The following EIF3E variants were observed in gnomAD, a reference collection of about 807,000 sequenced individuals.
The protein encoded by EIF3E is eukaryotic translation initiation factor 3 subunit E, also known as eIF-3 p48.
A neutral mutation model predicts 59.3 loss-of-function variants in EIF3E; 25 were observed. The ratio of observed to expected loss-of-function variants is 0.42; its 90% CI spans 0.31 to 0.59. The LOEUF (loss-of-function observed/expected upper bound fraction) is 0.59. EIF3E is among the 20% of genes least tolerant of loss of function. EIF3E has a pLI of 0.15. For synonymous variants in EIF3E, 176 were observed against 170.2 expected, an observed-to-expected ratio of 1.03 and a Z score of -0.26; for missense variants, 317 against 534.3, an observed-to-expected ratio of 0.59 and a Z score of 4.01.
intron 7 of EIF3E, among the ~76,000 whole-genome samples, chr8:108,220,759 T>C (rs1815396287): frequency 1.3e-5 from 2 of 152,232 alleles, no homozygotes; most frequent in South Asian, 4.1e-4. Context: ...GTTAATAGTT[T>C]TAAACAAGTT....
intron 10 of EIF3E, among the ~76,000 whole-genome samples, chr8:108,209,087 C>T (rs1226223422): frequency 8.1e-6 from 1 of 122,822 alleles, no homozygotes; most frequent in African/African-American, 3.3e-5. Context: ...GAGAATGTTC[C>T]AAATTACAAA....
intron 10 of EIF3E, among the ~76,000 whole-genome samples, chr8:108,204,694 G>A (rs1410695404): frequency 6.7e-6 from 1 of 148,384 alleles, no homozygotes; most frequent in Admixed American, 6.8e-5. Context: ...AACTGTGGGG[G>A]CACTCCCTGG....
At chr8:108,215,727 T>C (rs1211960323) in intron 9 of EIF3E, among the ~76,000 whole-genome samples, 1 of 152,208 alleles carries the variant, frequency 6.6e-6, no homozygotes, top group Non-Finnish European at 1.5e-5. Context: ...TGCCAAAATT[T>C]TGGTTCCAAG....
intron 7 of EIF3E, among the ~76,000 whole-genome samples, chr8:108,225,472 T>C (rs981577260): frequency 6.6e-6 from 1 of 151,408 alleles, no homozygotes; most frequent in African/African-American, 2.5e-5. Context: ...TATAAAATCA[T>C]GCATGGGTAA....
intron 9 of EIF3E, among the ~76,000 whole-genome samples, chr8:108,215,495 A>G (rs200030707): frequency 6.6e-6 from 1 of 152,036 alleles, no homozygotes; most frequent in Non-Finnish European, 1.5e-5. Context: ...GTGGGCGCCT[A>G]TGGTCCCAGC....
intron 10 of EIF3E, among the ~76,000 whole-genome samples, chr8:108,203,747 C>A (rs1815040033): frequency 6.6e-6 from 1 of 152,054 alleles, no homozygotes; most frequent in Admixed American, 6.6e-5. Flanking sequence ...GTAACATATT[C>A]TGCATTTACG....
At position 108,240,044 on chromosome 8, in the gene EIF3E, T is replaced by C. The variant is rs1815805893; in HGVS notation, c.237A>G (p.Ala79=). Residue 79 remains alanine, a synonymous_variant, in exon 3 of 13, where the codon GCA becomes GCG. Transcript: ENST00000220849. ...TTTCTGCCTGAAGCTGTTTCAGTTG[T>C]GCAACCACTGTGGTTCTTTTCTCTC... ...ALREKRTTVV[A]QLKQLQAETE... is the part of the protein sequence containing the mutation. The C allele has an allele frequency of 2.5e-6, 4 of 1,614,024 alleles. No homozygotes were observed. The highest frequency in any genetic ancestry group is 1.7e-5 in the Admixed American group (1 of 60,014).
intron 1 of EIF3E, among the ~76,000 whole-genome samples, chr8:108,244,069 G>C (rs1182129240): frequency 6.6e-6 from 1 of 152,050 alleles, no homozygotes; most frequent in Admixed American, 6.5e-5. Flanking sequence ...AGCAACAATT[G>C]AAAATACTAT....
Position 108,201,952 on chromosome 8 carries a change from G to T in EIF3E, c.1300-29C>A. On this transcript the variant is annotated intron_variant, in intron 12 of 12. Transcript: ENST00000220849. ...AAATATGCAAAAAGAAATCAACACC[G>T]TGAAAAGAAAATACTTTCGGAAAAA... The T allele has an allele frequency of 1.3e-6, 2 of 1,540,090 alleles. 1 individual carries two copies. Among genetic ancestry groups the T allele is most frequent in the South Asian group, 2.6e-5 (2 of 77,092 alleles).
chr8:108,212,876 GAA>G (rs35352376), intron 10 of EIF3E, among the ~76,000 whole-genome samples: 2 of 150,242 alleles, frequency 1.3e-5, no homozygotes, highest in Admixed American at 6.6e-5. Flanking sequence ...GTAAAACATT[GAA>G]AAAAAAATTG....
At position 108,212,663 on chromosome 8, in the gene EIF3E, G is replaced by A. The variant is rs572126506; in HGVS notation, c.1061+1944C>T. Among the ~76,000 whole-genome samples, 29 of 152,178 alleles carry A rather than the reference G, an allele frequency of 1.9e-4. No homozygotes were observed. The South Asian group carries it at 5.6e-3, about 29-fold the overall frequency. On this transcript the variant is annotated intron_variant, in intron 10 of 12. Transcript: ENST00000220849. ...CTAAAAGCACAAAAATTAGCTGGGC[G>A]TGGTGGCACATGCCTGTAATCTCAG...
At chr8:108,219,118 T>A (rs1563630647) in intron 7 of EIF3E, among the ~76,000 whole-genome samples, 1 of 152,152 alleles carries the variant, frequency 6.6e-6, no homozygotes, top group Non-Finnish European at 1.5e-5. Flanking sequence ...TTTATGAGAC[T>A]CATCATTAAT....
At chr8:108,228,967 A>ATT in intron 6 of EIF3E, 103 bp downstream of exon 6, 14 of 1,060,206 alleles carry the variant, frequency 1.3e-5, no homozygotes, top group Non-Finnish European at 1.3e-5. Context: ...GCTAATATGA[A>ATT]TTTTTTTTTT....
intron 7 of EIF3E, 92 bp from the exon 8 acceptor site, chr8:108,217,552 G>A (rs1815327375): frequency 9.9e-7 from 1 of 1,010,076 alleles, no homozygotes; most frequent in African/African-American, 1.7e-5. Flanking sequence ...TATTTCACTA[G>A]CCTAAGACTG....
chr8:108,245,325 C>A (rs149544198), intron 1 of EIF3E, among the ~76,000 whole-genome samples: 2 of 151,976 alleles, frequency 1.3e-5, no homozygotes. Flanking sequence ...AAAAATCAGC[C>A]GGACATGGTG....
At chr8:108,226,525 G>A (rs1376065090) in intron 7 of EIF3E, among the ~76,000 whole-genome samples, 3 of 152,024 alleles carry the variant, frequency 2.0e-5, no homozygotes, top group Admixed American at 1.3e-4. Context: ...CAGTGTAAAC[G>A]GGTTCCAAGA....
intron 10 of EIF3E, among the ~76,000 whole-genome samples, chr8:108,213,074 A>G (rs1306097884): frequency 6.6e-6 from 1 of 152,198 alleles, no homozygotes; most frequent in Non-Finnish European, 1.5e-5. Context: ...AGTGTCACAT[A>G]AAGGTATATA....
intron 7 of EIF3E, among the ~76,000 whole-genome samples, chr8:108,223,967 C>T (rs1164386514): frequency 1.3e-5 from 2 of 151,088 alleles, no homozygotes; most frequent in African/African-American, 2.5e-5. Flanking sequence ...CCAGTAATCC[C>T]AGCACTTTGG....
At chr8:108,225,919 G>T (rs1815507988) in intron 7 of EIF3E, among the ~76,000 whole-genome samples, 1 of 146,480 alleles carries the variant, frequency 6.8e-6, no homozygotes, top group African/African-American at 2.8e-5. Flanking sequence ...GTGTTAAATT[G>T]AATCAATTTA....
Sources: gnomAD v4.1 joint callset for allele counts (sites outside exome capture counted in the v4.1 genomes callset) on GRCh38, gnomAD v4.1.1 for gene constraint, MANE v1.5 for transcripts, NCBI Gene and HGNC (gene_info 2026-07-23, HGNC 2026-07-21) for gene names.